The following DNAJC13 variants were observed in gnomAD, a reference collection of about 807,000 sequenced individuals.
DNAJC13 encodes the protein dnaJ homolog subfamily C member 13.
A neutral mutation model predicts 290.5 loss-of-function variants in DNAJC13; 75 were observed. The observed-to-expected ratio is 0.26, with a 90% CI of 0.21 to 0.31. The LOEUF (loss-of-function observed/expected upper bound fraction) is 0.31. Ranked by LOEUF, DNAJC13 falls within the 10% of genes least tolerant of loss-of-function variation. The pLI, the probability that DNAJC13 is intolerant of heterozygous loss-of-function variation, is 1.00. For missense variants in DNAJC13, 2,260 were observed against 2,674.5 expected (o/e 0.85, Z 3.42); for synonymous variants, 862 against 892.0 (o/e 0.97, Z 0.60).
intron 19 of DNAJC13, 134 bp from the exon 20 acceptor site, chr3:132,467,036 T>C (rs748850268): frequency 6.1e-6 from 6 of 987,400 alleles, no homozygotes; most frequent in Non-Finnish European, 8.3e-6. Context: ...TGTAGAAGTT[T>C]TCAGTTTGTT....
At chr3:132,501,278 A>T (rs1009884089) in intron 39 of DNAJC13, among the ~76,000 whole-genome samples, 3 of 152,202 alleles carry the variant, frequency 2.0e-5, no homozygotes, top group African/African-American at 7.2e-5. Context: ...AGGTTGGCAG[A>T]TCACTTGAGG....
chr3:132,453,340 G>T lies in DNAJC13; in HGVS notation c.580G>T (p.Ala194Ser). The change falls in exon 7 of 56, where the codon GCA becomes TCA. Residue 194 changes from alanine to serine, a missense_variant. This residue lies in a region of DNAJC13 where 762 missense variants were observed against 964.1 expected (regional missense o/e 0.79). Transcript: ENST00000260818. The stretch of plus-strand genomic sequence containing the variant: ...GCAAAGAGAAGAGATTATTAAAAGT[G>T]CAATAGACCATGCTGGTAACTACAT... ...SEQREEIIKSAIDHAGNYIGI... is the reference protein window; with the variant it reads ...SEQREEIIKSSIDHAGNYIGI... 1.2e-6 allele frequency: 2 copies of T among 1,613,810 alleles called. No individual in the cohort carries two copies. The highest frequency in any genetic ancestry group is 1.7e-6 in the Non-Finnish European group (2 of 1,179,886).
chr3:132,493,831 T>C (rs1048902613), intron 33 of DNAJC13, among the ~76,000 whole-genome samples: 1 of 152,020 alleles, frequency 6.6e-6, no homozygotes, highest in Admixed American at 6.6e-5. Flanking sequence ...CTTTCACCCG[T>C]AAAGATAACA....
intron 13 of DNAJC13, among the ~76,000 whole-genome samples, chr3:132,458,925 T>G (rs1056239820): frequency 6.6e-5 from 10 of 152,214 alleles, no homozygotes; most frequent in Non-Finnish European, 1.5e-4. Flanking sequence ...GATGTATTTT[T>G]CTCAATCTGT....
chr3:132,508,161 T>A (rs1935653475), intron 43 of DNAJC13, among the ~76,000 whole-genome samples: 1 of 152,158 alleles, frequency 6.6e-6, no homozygotes, highest in African/African-American at 2.4e-5. Flanking sequence ...TCTCTTCAAT[T>A]CTGTGAAGGC....
At chr3:132,489,052 C>A (rs1244282630) in intron 31 of DNAJC13, 31 bp downstream of exon 31, 2 of 1,590,512 alleles carry the variant, frequency 1.3e-6, no homozygotes, top group Admixed American at 1.7e-5. Context: ...GAATACTTAA[C>A]CCTGGGTAAG....
chr3:132,518,391 G>A (rs531581046), intron 48 of DNAJC13, among the ~76,000 whole-genome samples: 1 of 152,240 alleles, frequency 6.6e-6, no homozygotes, highest in South Asian at 2.1e-4. Flanking sequence ...TGGCTCTGTT[G>A]CCCAGGCTGA....
rs145173293 is a variant in DNAJC13 at position 132,444,010 on chromosome 3, G to A, written c.69-2465G>A. ...GCTCAATAGGTACACTTTGCTCATT[G>A]CTACCTTATTGCAGGGGCCCCCAAG... On this transcript the variant is annotated intron_variant, in intron 2 of 55. Coordinates refer to ENST00000260818, the MANE Select transcript of DNAJC13 (RefSeq NM_015268.4). Among the ~76,000 whole-genome samples the A allele has an allele frequency of 4.6e-5, 7 of 152,294 alleles. No individual in the cohort carries two copies. The East Asian group carries it at 1.3e-3, about 29-fold the overall frequency.
intron 25 of DNAJC13, 94 bp downstream of exon 25, chr3:132,479,383 CTTTTCTGTCTTCTCCTTT>C (rs1934590844): frequency 1.2e-6 from 1 of 845,716 alleles, no homozygotes; most frequent in Admixed American, 2.2e-5. Context: ...AGGGAGTGTT[CTTTTCTGTCTTCTCCTTT>C]TTAGACAGAA....
intron 9 of DNAJC13, among the ~76,000 whole-genome samples, 183 bp from the exon 10 acceptor site, chr3:132,456,052 G>A (rs1933588122): frequency 6.6e-6 from 1 of 152,206 alleles, no homozygotes; most frequent in Non-Finnish European, 1.5e-5. Flanking sequence ...ACAAGGTCAT[G>A]TAGCAGCACG....
chr3:132,461,196 A>T lies in DNAJC13; in HGVS notation c.1704A>T (p.Lys568Asn). The change falls in exon 15 of 56, where the codon AAA (lysine) becomes AAT (asparagine). Residue 568 changes from lysine (K) to asparagine (N), a missense_variant. By Grantham distance (94) the Lys-to-Asn change is moderately conservative (BLOSUM62 0). Transcript: ENST00000260818. Reference protein sequence around the residue: ...MVASNGRTLFKLFQHPSMAII... With the variant: ...MVASNGRTLFNLFQHPSMAII... ...CATCCAATGGAAGAACCCTTTTTAA[A>T]CTTTTTCAGGTGAGAGCTTGTATTT... The T allele has an allele frequency of 6.2e-7, 1 of 1,613,932 alleles. No individual in the cohort carries two copies. Among genetic ancestry groups the T allele is most frequent in the Non-Finnish European group, 8.5e-7 (1 of 1,179,920 alleles).
chr3:132,434,066 T>G (rs1175302994), intron 1 of DNAJC13, among the ~76,000 whole-genome samples: 1 of 151,784 alleles, frequency 6.6e-6, no homozygotes, highest in African/African-American at 2.4e-5. Context: ...AAAAATTAGC[T>G]GGGCGTGGTG....
At chr3:132,513,852 T>C (rs1935846444) in intron 45 of DNAJC13, among the ~76,000 whole-genome samples, 1 of 152,178 alleles carries the variant, frequency 6.6e-6, no homozygotes, top group African/African-American at 2.4e-5. Flanking sequence ...ACACACAGTT[T>C]ATTGCAAAGA....
intron 35 of DNAJC13, 106 bp downstream of exon 35, chr3:132,495,272 T>C (rs1935200776): frequency 2.4e-6 from 2 of 819,222 alleles, no homozygotes; most frequent in Non-Finnish European, 4.0e-6. Context: ...CCTCATAATA[T>C]ATACTCAGTG....
chr3:132,473,384 G>C (rs995499589), intron 21 of DNAJC13, among the ~76,000 whole-genome samples, 157 bp downstream of exon 21: 2 of 152,204 alleles, frequency 1.3e-5, no homozygotes, highest in Admixed American at 1.3e-4. Flanking sequence ...GGGGTGACTA[G>C]AGATGCTCCT....
At chr3:132,419,632 A>G (rs1289496206) in intron 1 of DNAJC13, among the ~76,000 whole-genome samples, 2 of 152,224 alleles carry the variant, frequency 1.3e-5, no homozygotes, top group Non-Finnish European at 2.9e-5. Flanking sequence ...ACACAGGTGA[A>G]TATGAGGTTT....
At chr3:132,534,345 C>G (rs1936525218) in intron 55 of DNAJC13, among the ~76,000 whole-genome samples, 1 of 152,162 alleles carries the variant, frequency 6.6e-6, no homozygotes, top group African/African-American at 2.4e-5. Flanking sequence ...TTCATCAGCT[C>G]TAGTCTGTCC....
In DNAJC13 at chr3:132,528,344, TAG is replaced by T. The variant is rs776747970; in HGVS notation, c.6525+15_6525+16del. The T allele has an allele frequency of 7.4e-6, 12 of 1,613,436 alleles. No individual in the cohort carries two copies. The South Asian group carries it at 1.3e-4, about 18-fold the overall frequency. On this transcript the variant is annotated intron_variant, in intron 54 of 55. Coordinates refer to ENST00000260818, the MANE Select transcript of DNAJC13 (RefSeq NM_015268.4). ...AGTATGGAGAACAGGTGAGTCTGCA[TAG>T]AGTCAACTTTTGATATTCTAAAAGC...
At chr3:132,523,417 A>G in intron 50 of DNAJC13, 123 bp from the exon 51 acceptor site, 1 of 1,286,348 alleles carries the variant, frequency 7.8e-7, no homozygotes, top group South Asian at 1.5e-5. Flanking sequence ...TAAAACTCAT[A>G]ATTTGATTAT....
Sources: gnomAD v4.1 joint callset for allele counts (sites outside exome capture counted in the v4.1 genomes callset) on GRCh38, gnomAD v4.1.1 for gene constraint, gnomAD v4.1.1 regional missense constraint, MANE v1.5 for transcripts, NCBI Gene and HGNC (gene_info 2026-07-23, HGNC 2026-07-21) for gene names.